The following DHRS4L2 variants were observed in gnomAD, a reference collection of about 807,000 sequenced individuals.
DHRS4L2 encodes dehydrogenase/reductase 4 like 2.
In DHRS4L2, 22 loss-of-function variants were observed where a neutral mutation model predicts 23.9. That is an observed-to-expected ratio of 0.92 (90% CI 0.66 to 1.31). The LOEUF is 1.31. Ranked by LOEUF, DHRS4L2 falls within the 40% of genes most tolerant of loss-of-function variation. The pLI, the probability that DHRS4L2 is intolerant of heterozygous loss-of-function variation, is 0.00. For synonymous variants in DHRS4L2, 141 were observed against 123.7 expected (o/e 1.14, Z -0.93); for missense variants, 385 against 303.3 (o/e 1.27, Z -2.00).
chr14:23,970,140 C>G (rs2033820199), exon 1 of DHRS4L2: 1 of 456,018 alleles, frequency 2.2e-6, no homozygotes, highest in South Asian at 1.5e-5. Context: ...TTGTAAGGTA[C>G]GGGACTGCCT....
At chr14:23,990,053 A>G in intron 1 of DHRS4L2, 129 bp from the exon 2 acceptor site, 1 of 1,411,092 alleles carries the variant, frequency 7.1e-7, no homozygotes, top group Non-Finnish European at 9.6e-7. Flanking sequence ...TACACATAGT[A>G]GGCACACGTA....
At chr14:23,999,367 A>AAC (rs1555330041) in intron 3 of DHRS4L2, among the ~76,000 whole-genome samples, 1,550 of 116,788 alleles carry the variant, frequency 0.013, 134 homozygotes, top group East Asian at 0.018. Flanking sequence ...AAAAAAAAAA[A>AAC]AAAAAAACAA....
Position 23,971,832 on chromosome 14 carries a change from C to T in DHRS4L2, c.-176+1500C>T, listed in dbSNP as rs189949111. ...TTACAATAAGAGCTCCTGAAGGAAG[C>T]ACTAAACATGGAAAGGAACAACGGG... On this transcript the variant is annotated intron_variant, in intron 1 of 5. Transcript: ENST00000534993. Among the ~76,000 whole-genome samples, 295 of 152,054 alleles carry T rather than the reference C, an allele frequency of 1.9e-3. 2 individuals are homozygous for T. The highest frequency in any genetic ancestry group is 4.3e-3 in the Admixed American group (65 of 15,282).
At chr14:23,990,917 G>C in intron 2 of DHRS4L2, 1 of 856,986 alleles carries the variant, frequency 1.2e-6, no homozygotes. Flanking sequence ...GACCTCCCAA[G>C]CTCCCTTCCT....
chr14:23,992,172 C>A (rs1327590016), intron 2 of DHRS4L2, among the ~76,000 whole-genome samples: 2 of 151,598 alleles, frequency 1.3e-5, no homozygotes, highest in Non-Finnish European at 2.9e-5. Flanking sequence ...GAAAGCTAAT[C>A]TGGCTCTGGT....
intron 2 of DHRS4L2, among the ~76,000 whole-genome samples, chr14:23,992,541 GTGT>G (rs2034291494): frequency 6.6e-6 from 1 of 151,146 alleles, no homozygotes; most frequent in African/African-American, 2.4e-5. Context: ...CTTCTCACTG[GTGT>G]TGTAAGTGGA....
upstream of DHRS4L2, among the ~76,000 whole-genome samples, chr14:23,984,579 T>G (rs531408760): frequency 6.6e-6 from 1 of 151,392 alleles, no homozygotes; most frequent in South Asian, 2.1e-4. Context: ...GGAAGATCAC[T>G]AGGTCAAGAG....
upstream of DHRS4L2, among the ~76,000 whole-genome samples, chr14:23,985,234 C>T (rs774287347): frequency 9.9e-5 from 15 of 151,594 alleles, no homozygotes; most frequent in African/African-American, 2.4e-4. Flanking sequence ...GAGTTGGTCA[C>T]GACCCTCAGG....
chr14:23,990,133 C>G lies in DHRS4L2; in HGVS notation c.129-49C>G. 1.9e-6 allele frequency: 3 copies of G among 1,602,052 alleles called. No homozygotes were observed. In the South Asian group the frequency reaches 3.4e-5, roughly 18 times the overall value. ...TAACTTCAGAGCCCATGCTGTCGAC[C>G]TCTTCCCCTGCACAGGCCTTAGCAG... On this transcript the variant is annotated intron_variant, in intron 1 of 7. Transcript: ENST00000335125.
chr14:23,969,991 C>A (rs61999782), exon 1 of DHRS4L2: 26,982 of 454,066 alleles, frequency 0.059, 1,739 homozygotes, highest in African/African-American at 0.26. Flanking sequence ...TGCGGCAGCC[C>A]TCACCGCCCG....
upstream of DHRS4L2, among the ~76,000 whole-genome samples, chr14:23,986,696 G>C (rs924490912): frequency 6.6e-6 from 1 of 151,280 alleles, no homozygotes; most frequent in African/African-American, 2.4e-5. Context: ...CCCTCAGTGG[G>C]CCCGTCTACC....
intron 3 of DHRS4L2, among the ~76,000 whole-genome samples, chr14:23,998,169 G>A (rs1420911939): frequency 6.6e-6 from 1 of 151,952 alleles, no homozygotes; most frequent in Admixed American, 6.5e-5. Context: ...CATCAACGGT[G>A]AGCTTAAAAT....
At chr14:23,995,445 T>C (rs973889922) in intron 3 of DHRS4L2, among the ~76,000 whole-genome samples, 3 of 151,790 alleles carry the variant, frequency 2.0e-5, no homozygotes, top group African/African-American at 7.2e-5. Context: ...AGGCAGCTAA[T>C]ATGCCAACAA....
In DHRS4L2 at chr14:23,990,188, C is replaced by T. The variant is rs2034237468; in HGVS notation, c.135C>T (p.Gly45=). Residue 45 remains glycine, a synonymous_variant, in exon 2 of 8, where the codon GGC becomes GGT. Transcript: ENST00000335125. ...TGTCTCTTTCTGCTCACAGGATCGG[C>T]TTCGCCATCGCCCGGCGTTTGGCCC... The part of the protein sequence containing the change: ...ALVTASTDGI[G]FAIARRLAQD... 2 of 1,612,786 alleles carry T rather than the reference C, an allele frequency of 1.2e-6. No individual in the cohort carries two copies. The highest frequency in any genetic ancestry group is 2.7e-5 in the African/African-American group (2 of 74,980).
Position 23,991,814 on chromosome 14 carries a change from G to A in DHRS4L2, c.306+1455G>A, listed in dbSNP as rs1037772765. ...TGATATGGCACAATCTCAGCTCACT[G>A]CAACCTACGCCTCCAGGTTCAAGCA... On this transcript the variant is annotated intron_variant, in intron 2 of 7. Coordinates refer to ENST00000335125, the MANE Select transcript of DHRS4L2 (RefSeq NM_198083.4). 1.0e-4 allele frequency among the ~76,000 whole-genome samples: 15 copies of A among 149,524 alleles called. 1 individual carries two copies. Among genetic ancestry groups the A allele is most frequent in the African/African-American group, 3.7e-4 (15 of 40,542 alleles).
chr14:23,983,432 G>A (rs1357352353), intron 1 of DHRS4L2, among the ~76,000 whole-genome samples: 1 of 151,622 alleles, frequency 6.6e-6, no homozygotes, highest in African/African-American at 2.4e-5. Flanking sequence ...CACTGTTGGT[G>A]GTAGTGTAAA....
chr14:23,998,508 T>C (rs1199020678), intron 3 of DHRS4L2, among the ~76,000 whole-genome samples: 5 of 150,432 alleles, frequency 3.3e-5, no homozygotes, highest in African/African-American at 1.2e-4. Flanking sequence ...TGATCTTAGC[T>C]AGATCTTCTG....
At chr14:23,972,423 GA>G (rs2033877813) in intron 1 of DHRS4L2, among the ~76,000 whole-genome samples, 1 of 152,000 alleles carries the variant, frequency 6.6e-6, no homozygotes, top group Admixed American at 6.6e-5. Context: ...CTGGCCTCAG[GA>G]GTGAAGCTGC....
chr14:23,972,776 G>A (rs1471576768), intron 1 of DHRS4L2, among the ~76,000 whole-genome samples: 2 of 152,020 alleles, frequency 1.3e-5, no homozygotes, highest in Non-Finnish European at 1.5e-5. Flanking sequence ...CATTATTTCA[G>A]TAAAAAGGAA....
Sources: gnomAD v4.1 joint callset for allele counts (sites outside exome capture counted in the v4.1 genomes callset) on GRCh38, gnomAD v4.1.1 for gene constraint, MANE v1.5 for transcripts, NCBI Gene and HGNC (gene_info 2026-07-23, HGNC 2026-07-21) for gene names.